The following RNPEP variants were observed in gnomAD, a reference collection of about 807,000 sequenced individuals.
RNPEP encodes the protein arginyl aminopeptidase.
RNPEP carries 57 observed loss-of-function variants against 70.1 expected under a neutral mutation model. The ratio of observed to expected loss-of-function variants is 0.81; its 90% confidence interval spans 0.66 to 1.01. The LOEUF (loss-of-function observed/expected upper bound fraction) is 1.01. Ranked by LOEUF, RNPEP falls within the 50% of genes least tolerant of loss-of-function variation. RNPEP has a pLI of 0.00. For missense variants in RNPEP, 787 were observed against 852.4 expected (o/e 0.92, Z 0.96); for synonymous variants, 335 against 357.4 (o/e 0.94, Z 0.71).
At chr1:201,992,611 C>T (rs1403773293) in intron 3 of RNPEP, among the ~76,000 whole-genome samples, 2 of 152,062 alleles carry the variant, frequency 1.3e-5, no homozygotes, top group African/African-American at 4.8e-5. Context: ...CCTGGGCAGT[C>T]AAGACCCTCC....
Position 202,005,725 on chromosome 1 carries a change from G to T in RNPEP, c.*9G>T. 1 of 1,613,920 alleles carries T rather than the reference G, an allele frequency of 6.2e-7. No individual in the cohort carries two copies. The highest frequency in any genetic ancestry group is 1.1e-5 in the South Asian group (1 of 91,076). On this transcript the variant is annotated 3_prime_UTR_variant, in exon 11 of 11. Transcript: ENST00000295640. ...CACCCAAGGGCAGTTAGAGGCTCGT[G>T]TGCATGGCCCCTGCCTCTTCAGGCT... is the stretch of plus-strand genomic sequence containing the variant.
At chr1:201,993,017 A>G (rs1683396978) in intron 3 of RNPEP, among the ~76,000 whole-genome samples, 1 of 152,094 alleles carries the variant, frequency 6.6e-6, no homozygotes, top group African/African-American at 2.4e-5. Flanking sequence ...TTGCTATCCA[A>G]TCCCATCCCC....
At chr1:201,996,380 A>G in intron 4 of RNPEP, 117 bp downstream of exon 4, 1 of 761,460 alleles carries the variant, frequency 1.3e-6, no homozygotes, top group Non-Finnish European at 2.3e-6. Flanking sequence ...CCCTGATCCC[A>G]GAAGTGAAGG....
chr1:201,994,111 T>G lies in RNPEP; in HGVS notation c.738-2036T>G, dbSNP rs762567322. On this transcript the variant is annotated intron_variant, in intron 3 of 10. Transcript: ENST00000295640. ...GCTTCTGTGACACCACCCATGCTGG[T>G]CATCAGGCCTCCTGGTTAGTCCTTT... Among the ~76,000 whole-genome samples the G allele has an allele frequency of 6.6e-5, 10 of 152,158 alleles. 1 individual carries two copies. The highest frequency in any genetic ancestry group is 1.2e-4 in the Non-Finnish European group (8 of 68,036).
At chr1:202,000,425 G>A (rs1683749566) in intron 6 of RNPEP, 1 of 154,596 alleles carries the variant, frequency 6.5e-6, no homozygotes, top group African/African-American at 2.4e-5. Flanking sequence ...ATCAGTGCAT[G>A]ACTGCAACTG....
Position 201,982,694 on chromosome 1 carries a change from AGCGGCGCGGCCCGGCG to A in RNPEP, c.31_46del (p.Gly11ArgfsTer44), listed in dbSNP as rs1232546564. 6 of 1,393,860 alleles carry A rather than the reference AGCGGCGCGGCCCGGCG, an allele frequency of 4.3e-6. No individual in the cohort carries two copies. The highest frequency in any genetic ancestry group is 5.6e-6 in the Non-Finnish European group (6 of 1,068,188). 86.3% of individuals were successfully genotyped at this position (1,393,860 alleles called of 1,614,324 possible). ...GGCGAGCGGCGAGCATTCCCCCGGC[AGCGGCGCGGCCCGGCG>A]GCCGCTGCACTCCGCGCAGGCTGTG... On this transcript the variant is annotated frameshift_variant, in exon 1 of 11. Coordinates refer to ENST00000295640, the MANE Select transcript of RNPEP (RefSeq NM_020216.4). LOFTEE classifies it high-confidence loss of function.
At chr1:201,989,199 G>C (rs541952789) in intron 2 of RNPEP, among the ~76,000 whole-genome samples, 155 bp downstream of exon 2, 8 of 152,198 alleles carry the variant, frequency 5.3e-5, no homozygotes, top group Admixed American at 2.0e-4. Context: ...TACTGAAGTT[G>C]TATGTAGCCT....
In RNPEP at chr1:201,982,925, G is replaced by A. The variant is rs1682990385; in HGVS notation, c.259G>A (p.Glu87Lys). 1 of 1,486,512 alleles carries A rather than the reference G, an allele frequency of 6.7e-7. No individual in the cohort carries two copies. Among genetic ancestry groups the A allele is most frequent in the African/African-American group, 1.5e-5 (1 of 68,122 alleles). 92.1% of individuals were successfully genotyped at this position (1,486,512 alleles called of 1,614,324 possible). ...ELRLDSHPCL[E>K]VTAAALRRER... ...GCGGCTGGACTCGCACCCGTGCCTG[G>A]AGGTGACGGCGGCGGCGCTGCGGCG... Residue 87 changes from glutamate (E) to lysine (K), a missense_variant, in exon 1 of 11, where the codon GAG becomes AAG. Coordinates refer to ENST00000295640, the MANE Select transcript of RNPEP (RefSeq NM_020216.4).
At position 201,982,670 on chromosome 1, in the gene RNPEP, G is replaced by C; in HGVS notation, c.4G>C (p.Ala2Pro). 2 of 1,369,826 alleles carry C rather than the reference G, an allele frequency of 1.5e-6. No individual in the cohort carries two copies. Among genetic ancestry groups the C allele is most frequent in the Non-Finnish European group, 1.9e-6 (2 of 1,057,394 alleles). 84.9% of individuals were successfully genotyped at this position (1,369,826 alleles called of 1,614,324 possible). ...GGTGAGCAACGGCTCTGCGGCCATGGCGAGCGGCGAGCATTCCCCCGGCAG... is the reference window on the plus strand; with the variant it reads ...GGTGAGCAACGGCTCTGCGGCCATGCCGAGCGGCGAGCATTCCCCCGGCAG... M[A>P]SGEHSPGSGA... Residue 2 changes from alanine (A) to proline (P), a missense_variant, in exon 1 of 11, where the codon GCG (alanine) becomes CCG (proline). Ala to Pro is a conservative substitution (Grantham distance 27). Coordinates refer to ENST00000295640, the MANE Select transcript of RNPEP (RefSeq NM_020216.4).
intron 5 of RNPEP, among the ~76,000 whole-genome samples, chr1:201,998,768 C>T (rs1683666572): frequency 6.6e-6 from 1 of 152,156 alleles, no homozygotes. Context: ...AGAGTCAAAA[C>T]ATCTAGGAAA....
At chr1:201,990,253 T>C (rs1683278774) in intron 3 of RNPEP, among the ~76,000 whole-genome samples, 1 of 152,242 alleles carries the variant, frequency 6.6e-6, no homozygotes, top group Middle Eastern at 3.2e-3. Flanking sequence ...TTGCACGTAG[T>C]TCCTGGAAAT....
Position 202,005,607 on chromosome 1 carries a change from G to A in RNPEP, c.1844G>A (p.Ser615Asn), listed in dbSNP as rs139066886. 2.5e-5 allele frequency: 40 copies of A among 1,614,106 alleles called. No homozygotes were observed. Among genetic ancestry groups the A allele is most frequent in the Non-Finnish European group, 3.2e-5 (38 of 1,180,038 alleles). The part of the protein sequence containing the change: ...LPLYHAMMGG[S>N]EVAQTLAKET... ...CTGTACCACGCAATGATGGGTGGCA[G>A]TGAGGTGGCCCAGACCCTCGCCAAG... The change falls in exon 11 of 11, where the codon AGT (serine) becomes AAT (asparagine). Residue 615 changes from serine to asparagine, a missense_variant. By Grantham distance (46) the Ser-to-Asn change is conservative. Coordinates refer to ENST00000295640, the MANE Select transcript of RNPEP (RefSeq NM_020216.4).
intron 3 of RNPEP, among the ~76,000 whole-genome samples, chr1:201,993,991 G>A (rs952100360): frequency 6.6e-6 from 1 of 151,188 alleles, no homozygotes; most frequent in Non-Finnish European, 1.5e-5. Flanking sequence ...AGTAAGAGAG[G>A]CCATTCGCCT....
intron 4 of RNPEP, 162 bp downstream of exon 4, chr1:201,996,425 C>T (rs1426059933): frequency 1.5e-6 from 1 of 660,324 alleles, no homozygotes; most frequent in South Asian, 1.7e-5. Context: ...AGCCAGGCTT[C>T]TCACTGTTGC....
chr1:201,993,735 C>T (rs953905444), intron 3 of RNPEP, among the ~76,000 whole-genome samples: 8 of 152,116 alleles, frequency 5.3e-5, no homozygotes, highest in Non-Finnish European at 7.4e-5. Context: ...GCCGAGATCG[C>T]GCCACTGCAC....
At position 201,996,374 on chromosome 1, in the gene RNPEP, G is replaced by C. The variant is rs2102974075; in HGVS notation, c.854+111G>C. 1.0e-5 allele frequency: 8 copies of C among 773,942 alleles called. No homozygotes were observed. In the South Asian group the frequency reaches 1.2e-4, roughly 12 times the overall value. 47.9% of individuals were successfully genotyped at this position (773,942 alleles called of 1,614,324 possible). On this transcript the variant is annotated intron_variant, in intron 4 of 10. Transcript: ENST00000295640. Reference sequence around the variant, plus strand: ...CTGCCTCCCAGAGCAAAGTTTCCCTGATCCCAGAAGTGAAGGAGAGGAGGA... The same window carrying C: ...CTGCCTCCCAGAGCAAAGTTTCCCTCATCCCAGAAGTGAAGGAGAGGAGGA...
At chr1:202,001,320 C>A in intron 6 of RNPEP, 56 bp from the exon 7 acceptor site, 1 of 1,196,024 alleles carries the variant, frequency 8.4e-7, no homozygotes, top group Non-Finnish European at 1.2e-6. Flanking sequence ...TAGAGAAGAA[C>A]GTTACGGGTG....
At chr1:202,000,272 C>A in intron 6 of RNPEP, 4 of 358,974 alleles carry the variant, frequency 1.1e-5, no homozygotes, top group Non-Finnish European at 2.0e-5. Context: ...AAGTCCATAT[C>A]GTTTTACCAG....
At chr1:201,992,602 C>T (rs1683381714) in intron 3 of RNPEP, among the ~76,000 whole-genome samples, 1 of 152,044 alleles carries the variant, frequency 6.6e-6, no homozygotes, top group Non-Finnish European at 1.5e-5. Context: ...CTCATTTCTC[C>T]TGGGCAGTCA....
Sources: gnomAD v4.1 joint callset for allele counts (sites outside exome capture counted in the v4.1 genomes callset) on GRCh38, gnomAD v4.1.1 for gene constraint, MANE v1.5 for transcripts, NCBI Gene and HGNC (gene_info 2026-07-23, HGNC 2026-07-21) for gene names.